The following PPP2R5E variants were observed in gnomAD, a reference collection of about 807,000 sequenced individuals.
PPP2R5E encodes serine/threonine-protein phosphatase 2A 56 kDa regulatory subunit epsilon isoform.
Under a neutral mutation model 65.3 loss-of-function variants are expected in PPP2R5E, and 4 were observed. The observed-to-expected ratio is 0.06, with a 90% confidence interval of 0.03 to 0.14. The LOEUF is 0.14. PPP2R5E is among the 10% of genes least tolerant of loss of function. The pLI is 1.00. For missense variants in PPP2R5E, 274 were observed against 556.1 expected (o/e 0.49, Z 5.10); for synonymous variants, 183 against 187.4 (o/e 0.98, Z 0.19).
intron 5 of PPP2R5E, among the ~76,000 whole-genome samples, chr14:63,401,878 C>T (rs1397488204): frequency 6.6e-6 from 1 of 151,996 alleles, no homozygotes; most frequent in Non-Finnish European, 1.5e-5. Flanking sequence ...CACCACGGAA[C>T]CCTTACAAGG....
chr14:63,474,155 A>C (rs1890276800), intron 2 of PPP2R5E, among the ~76,000 whole-genome samples: 1 of 152,260 alleles, frequency 6.6e-6, no homozygotes, highest in Admixed American at 6.5e-5. Flanking sequence ...CAAAGTGGAC[A>C]AATTAGAGAT....
intron 2 of PPP2R5E, among the ~76,000 whole-genome samples, chr14:63,464,482 A>G (rs1006548485): frequency 2.3e-4 from 35 of 152,160 alleles, no homozygotes; most frequent in Non-Finnish European, 2.5e-4. Flanking sequence ...AAGAAGGAGC[A>G]TGCTGGTGAA....
intron 11 of PPP2R5E, 87 bp from the exon 12 acceptor site, chr14:63,384,658 C>A: frequency 8.9e-7 from 1 of 1,126,842 alleles, no homozygotes; most frequent in South Asian, 1.5e-5. Flanking sequence ...AAAAGTATTT[C>A]AAAAGGCTAT....
At chr14:63,519,924 T>C (rs1203922350) in intron 2 of PPP2R5E, among the ~76,000 whole-genome samples, 1 of 151,448 alleles carries the variant, frequency 6.6e-6, no homozygotes, top group East Asian at 2.0e-4. Context: ...CCTCCCAAAG[T>C]GCTGGGATTA....
At chr14:63,449,952 C>T (rs1289313823) in intron 3 of PPP2R5E, among the ~76,000 whole-genome samples, 5 of 150,266 alleles carry the variant, frequency 3.3e-5, no homozygotes, top group Non-Finnish European at 5.9e-5. Context: ...CTCAGCTCAC[C>T]GCAACCTCCA....
chr14:63,511,686 C>G (rs932927885), intron 2 of PPP2R5E, among the ~76,000 whole-genome samples: 1 of 152,052 alleles, frequency 6.6e-6, no homozygotes, highest in African/African-American at 2.4e-5. Context: ...TGTTGATGAG[C>G]TGATTAGAAA....
intron 5 of PPP2R5E, among the ~76,000 whole-genome samples, chr14:63,398,320 T>C (rs996885262): frequency 6.6e-6 from 1 of 152,188 alleles, no homozygotes; most frequent in Non-Finnish European, 1.5e-5. Context: ...ACTTGAAAGA[T>C]TCACACTTCT....
chr14:63,537,650 G>T (rs955573541), intron 2 of PPP2R5E, among the ~76,000 whole-genome samples: 1 of 152,110 alleles, frequency 6.6e-6, no homozygotes, highest in Non-Finnish European at 1.5e-5. Flanking sequence ...TAAATTTTGA[G>T]GATCTTTTCC....
chr14:63,519,414 G>T (rs111475190), intron 2 of PPP2R5E, among the ~76,000 whole-genome samples: 4,688 of 149,324 alleles, frequency 0.031, 181 homozygotes, highest in African/African-American at 0.083. Context: ...GCAGTGGTAC[G>T]ATCTCTGCTC....
chr14:63,451,851 T>C (rs573724743), intron 3 of PPP2R5E: 1 of 152,194 alleles, frequency 6.6e-6, no homozygotes, highest in African/African-American at 2.4e-5. Flanking sequence ...CTCTGTACTT[T>C]CCTCTCAATT....
intron 4 of PPP2R5E, among the ~76,000 whole-genome samples, chr14:63,421,205 G>A (rs957525536): frequency 6.6e-6 from 1 of 151,824 alleles, no homozygotes; most frequent in Non-Finnish European, 1.5e-5. Context: ...TATTTGTCGA[G>A]CAACCTAAGG....
intron 2 of PPP2R5E, among the ~76,000 whole-genome samples, chr14:63,469,994 T>C (rs181429854): frequency 1.3e-5 from 2 of 152,314 alleles, no homozygotes; most frequent in East Asian, 3.9e-4. Flanking sequence ...CCTCTCCATT[T>C]ATTTGGACAG....
chr14:63,493,263 C>T (rs1891371983), intron 2 of PPP2R5E, among the ~76,000 whole-genome samples: 1 of 151,806 alleles, frequency 6.6e-6, no homozygotes, highest in Non-Finnish European at 1.5e-5. Context: ...CCTGCCTCTG[C>T]CTCCTGTGTA....
intron 5 of PPP2R5E, among the ~76,000 whole-genome samples, chr14:63,408,417 A>C (rs556909832): frequency 6.6e-6 from 1 of 152,260 alleles, no homozygotes; most frequent in South Asian, 2.1e-4. Flanking sequence ...TCATTCGTTT[A>C]TTTGGTACAT....
At chr14:63,404,604 A>C (rs1426113658) in intron 5 of PPP2R5E, among the ~76,000 whole-genome samples, 2 of 152,240 alleles carry the variant, frequency 1.3e-5, no homozygotes, top group African/African-American at 4.8e-5. Flanking sequence ...ACAAGGCATC[A>C]AAAGGTTGCG....
intron 3 of PPP2R5E, among the ~76,000 whole-genome samples, chr14:63,436,337 T>C (rs912404370): frequency 3.9e-5 from 6 of 152,192 alleles, no homozygotes; most frequent in African/African-American, 9.7e-5. Context: ...CACAAAACAT[T>C]TGAGGCTCCT....
At chr14:63,524,182 T>G (rs1893087312) in intron 2 of PPP2R5E, among the ~76,000 whole-genome samples, 1 of 152,218 alleles carries the variant, frequency 6.6e-6, no homozygotes, top group East Asian at 1.9e-4. Flanking sequence ...CAAGCAGCCC[T>G]GAATTAATTA....
chr14:63,377,590 A>G (rs546541494), intron 13 of PPP2R5E, among the ~76,000 whole-genome samples: 2 of 152,350 alleles, frequency 1.3e-5, no homozygotes, highest in African/African-American at 4.8e-5. Context: ...AGCACAAACC[A>G]GTGGAACTCT....
chr14:63,475,239 G>A (rs1173648565), intron 2 of PPP2R5E, among the ~76,000 whole-genome samples: 1 of 152,238 alleles, frequency 6.6e-6, no homozygotes, highest in African/African-American at 2.4e-5. Flanking sequence ...TGCTGGAACA[G>A]CATTTCACTC....
Sources: allele counts gnomAD v4.1 joint callset (sites outside exome capture counted in the v4.1 genomes callset), GRCh38; gene constraint gnomAD v4.1.1; transcripts MANE v1.5; gene names NCBI Gene and HGNC (gene_info 2026-07-23, HGNC 2026-07-21).